CCDC171: variants seen among roughly 807,000 people sequenced by gnomAD.
CCDC171 encodes coiled-coil domain containing 171.
Under a neutral mutation model 168.2 loss-of-function variants are expected in CCDC171, and 177 were observed. The observed-to-expected ratio is 1.05, with a 90% confidence interval of 0.93 to 1.19. The LOEUF (loss-of-function observed/expected upper bound fraction) is 1.19. CCDC171 is among the 50% of genes most tolerant of loss of function. CCDC171 has a pLI of 0.00. For synonymous variants in CCDC171, 687 were observed against 540.8 expected (o/e 1.27, Z -3.75); for missense variants, 1,991 against 1,539.0 (o/e 1.29, Z -4.91).
intron 16 of CCDC171, among the ~76,000 whole-genome samples, chr9:15,739,274 C>T (rs1180283527): frequency 6.6e-6 from 1 of 152,094 alleles, no homozygotes; most frequent in Non-Finnish European, 1.5e-5. Flanking sequence ...TTCTACAGAA[C>T]ATGTTAAATT....
intron 18 of CCDC171, among the ~76,000 whole-genome samples, chr9:15,757,713 T>C (rs958797658): frequency 6.6e-6 from 1 of 152,150 alleles, no homozygotes; most frequent in African/African-American, 2.4e-5. Context: ...AATGGTTTCA[T>C]TGTCCAGTCC....
chr9:15,571,652 C>G lies in CCDC171; in HGVS notation c.70C>G (p.Gln24Glu), dbSNP rs1448681538. 2.6e-6 allele frequency: 4 copies of G among 1,567,150 alleles called. No homozygotes were observed. The highest frequency in any genetic ancestry group is 3.4e-6 in the Non-Finnish European group (4 of 1,163,620). The change falls in exon 3 of 26, where the codon CAA becomes GAA. Residue 24 changes from glutamine (Q) to glutamate (E), a missense_variant. Coordinates refer to ENST00000380701, the MANE Select transcript of CCDC171 (RefSeq NM_173550.4). ...RLKIASLDVK[Q>E]ILKNETELDI... Reference sequence around the variant, plus strand: ...GAAGATTGCCTCATTGGATGTAAAACAAATACTTAAAAATGAAACAGAGTT... The same window carrying G: ...GAAGATTGCCTCATTGGATGTAAAAGAAATACTTAAAAATGAAACAGAGTT...
intron 21 of CCDC171, among the ~76,000 whole-genome samples, 172 bp downstream of exon 21, chr9:15,784,866 G>A (rs1221523032): frequency 6.6e-6 from 1 of 152,134 alleles, no homozygotes; most frequent in East Asian, 1.9e-4. Context: ...GCATTCACAT[G>A]CATCGAGAAG....
intron 6 of CCDC171, among the ~76,000 whole-genome samples, chr9:15,618,527 C>T (rs1020463482): frequency 1.3e-5 from 2 of 152,096 alleles, no homozygotes; most frequent in East Asian, 3.9e-4. Flanking sequence ...GAGGAGTGGA[C>T]GGTTGTCCTT....
At chr9:15,939,669 C>T (rs1189394807) in intron 25 of CCDC171, among the ~76,000 whole-genome samples, 4 of 151,794 alleles carry the variant, frequency 2.6e-5, no homozygotes, top group East Asian at 1.9e-4. Context: ...TTTTTACTTC[C>T]ACCACTTCCC....
intron 2 of CCDC171, among the ~76,000 whole-genome samples, chr9:15,566,197 T>G (rs2663299): frequency 0.057 from 8,247 of 145,180 alleles, 263 homozygotes; most frequent in African/African-American, 0.096. Flanking sequence ...TAAATTGTGT[T>G]TTTTTTTTTT....
In CCDC171 at chr9:16,008,552, G is replaced by A. The variant is rs118162718; in HGVS notation, n.369-12037G>A. ...GAGAGTCCCCTGGAAATGCTTAGGC[G>A]TCTCATGGATCCATCCTAGTGGTTG... On this transcript the variant is annotated intron_variant and non_coding_transcript_variant, in intron 3 of 9. Transcript: ENST00000486641. 5.6e-3 allele frequency among the ~76,000 whole-genome samples: 849 copies of A among 152,192 alleles called. 4 individuals are homozygous for A. The highest frequency in any genetic ancestry group is 8.8e-3 in the Non-Finnish European group (596 of 68,004).
intron 7 of CCDC171, among the ~76,000 whole-genome samples, chr9:15,625,893 A>C (rs878993091): frequency 7.2e-5 from 11 of 152,158 alleles, no homozygotes; most frequent in African/African-American, 2.7e-4. Flanking sequence ...CATTGAATCT[A>C]TAAATTACCT....
the CCDC171 span, among the ~76,000 whole-genome samples, chr9:16,068,540 T>G: frequency 6.6e-6 from 1 of 152,210 alleles, no homozygotes; most frequent in African/African-American, 2.4e-5. Context: ...CCATTCTCAG[T>G]TCAAACTCTG....
chr9:16,072,950 G>T, the CCDC171 span, among the ~76,000 whole-genome samples: 25 of 152,164 alleles, frequency 1.6e-4, no homozygotes, highest in Admixed American at 1.6e-3. Context: ...AAATTAATTA[G>T]TGGACAAATA....
At chr9:15,979,442 T>G (rs1201867248) in intron 3 of CCDC171, among the ~76,000 whole-genome samples, 2 of 152,196 alleles carry the variant, frequency 1.3e-5, no homozygotes, top group Non-Finnish European at 2.9e-5. Flanking sequence ...ATGCCCTTTA[T>G]CAGGTTGAAG....
intron 18 of CCDC171, among the ~76,000 whole-genome samples, chr9:15,762,747 A>C (rs1177060819): frequency 6.6e-6 from 1 of 152,240 alleles, no homozygotes; most frequent in Non-Finnish European, 1.5e-5. Context: ...AATGTATACA[A>C]GAAAATGTAT....
intron 10 of CCDC171, among the ~76,000 whole-genome samples, chr9:15,688,886 T>G (rs2050593466): frequency 6.6e-6 from 1 of 152,172 alleles, no homozygotes; most frequent in South Asian, 2.1e-4. Context: ...ATAAAAGGCA[T>G]CAGTTTTGGA....
intron 21 of CCDC171, among the ~76,000 whole-genome samples, chr9:15,810,425 G>A (rs1267147851): frequency 6.6e-6 from 1 of 151,718 alleles, no homozygotes; most frequent in African/African-American, 2.4e-5. Context: ...GAGGTAAATG[G>A]GACCGGGCGC....
chr9:15,683,459 G>A (rs963742751), intron 10 of CCDC171, among the ~76,000 whole-genome samples: 29 of 151,848 alleles, frequency 1.9e-4, no homozygotes, highest in African/African-American at 6.5e-4. Context: ...ATTCTATTCT[G>A]ATTTTTTACT....
intron 21 of CCDC171, 114 bp from the exon 22 acceptor site, chr9:15,846,588 G>A: frequency 9.5e-7 from 1 of 1,053,126 alleles, no homozygotes; most frequent in Non-Finnish European, 1.4e-6. Flanking sequence ...GATGTGTAAT[G>A]ACCCAAGTCT....
chr9:16,029,142 A>G (rs1833325884), intron 6 of CCDC171, among the ~76,000 whole-genome samples: 2 of 152,144 alleles, frequency 1.3e-5, no homozygotes, highest in African/African-American at 2.4e-5. Flanking sequence ...TGAGGGCTGT[A>G]AGGCAACAAG....
chr9:15,921,135 G>A (rs955433135), intron 25 of CCDC171, among the ~76,000 whole-genome samples: 1 of 151,482 alleles, frequency 6.6e-6, no homozygotes, highest in African/African-American at 2.4e-5. Context: ...ATTTTTTTTG[G>A]TTTGATTACA....
chr9:15,781,721 A>G (rs894081894), intron 20 of CCDC171, among the ~76,000 whole-genome samples: 1 of 152,100 alleles, frequency 6.6e-6, no homozygotes, highest in African/African-American at 2.4e-5. Context: ...CCAGTACTTA[A>G]TTTTTATATA....
Sources: allele counts gnomAD v4.1 joint callset (sites outside exome capture counted in the v4.1 genomes callset), GRCh38; gene constraint gnomAD v4.1.1; transcripts MANE v1.5; gene names NCBI Gene and HGNC (gene_info 2026-07-23, HGNC 2026-07-21).